The following LYZL4 variants were observed in gnomAD, a reference collection of about 807,000 sequenced individuals.
LYZL4 encodes lysozyme-like protein 4.
A neutral mutation model predicts 17.6 loss-of-function variants in LYZL4; 13 were observed. The observed-to-expected ratio is 0.74, with a 90% confidence interval of 0.48 to 1.18. The LOEUF (loss-of-function observed/expected upper bound fraction) is 1.18, where lower values mean the gene tolerates loss of function less well. Among genes scored for constraint, LYZL4 ranks in the 50% most tolerant of loss-of-function variants. The pLI is 0.00. For synonymous variants in LYZL4, 64 were observed against 67.7 expected (o/e 0.95, Z 0.27); for missense variants, 174 against 188.2 (o/e 0.92, Z 0.44).
chr3:42,369,969 C>T, the LYZL4 span, among the ~76,000 whole-genome samples: 4 of 152,104 alleles, frequency 2.6e-5, no homozygotes, highest in African/African-American at 9.7e-5. Context: ...ACTGCTTGAG[C>T]TCAGGAATTC....
intron 1 of LYZL4, among the ~76,000 whole-genome samples, chr3:42,409,107 G>A (rs895395162): frequency 6.6e-6 from 1 of 152,222 alleles, no homozygotes; most frequent in African/African-American, 2.4e-5. Flanking sequence ...TTGGGAATCA[G>A]ATTGCCTGGG....
intron 4 of LYZL4, among the ~76,000 whole-genome samples, chr3:42,401,699 T>C (rs1698656118): frequency 6.6e-6 from 1 of 151,520 alleles, no homozygotes; most frequent in African/African-American, 2.4e-5. Flanking sequence ...TAACACAGAA[T>C]TGCAAAAAAA....
the LYZL4 span, among the ~76,000 whole-genome samples, chr3:42,366,885 G>A: frequency 2.0e-5 from 3 of 152,202 alleles, no homozygotes; most frequent in Admixed American, 2.0e-4. Context: ...CCACACTGGT[G>A]TCTGTGTCTG....
the LYZL4 span, among the ~76,000 whole-genome samples, chr3:42,377,363 C>G: frequency 6.6e-6 from 1 of 152,064 alleles, no homozygotes; most frequent in Non-Finnish European, 1.5e-5. Context: ...AGAGAGAAAC[C>G]AATTCCAGCT....
chr3:42,389,301 A>G, the LYZL4 span, among the ~76,000 whole-genome samples: 18 of 152,152 alleles, frequency 1.2e-4, no homozygotes, highest in Admixed American at 3.3e-4. Context: ...CAGAATTCTT[A>G]TAGTAGGCCA....
chr3:42,361,375 T>A, the LYZL4 span, among the ~76,000 whole-genome samples: 1 of 152,098 alleles, frequency 6.6e-6, no homozygotes, highest in African/African-American at 2.4e-5. Flanking sequence ...TGGCTCCCAG[T>A]GTTTACTTCT....
chr3:42,385,933 G>A, the LYZL4 span, among the ~76,000 whole-genome samples: 4 of 152,138 alleles, frequency 2.6e-5, no homozygotes, highest in Admixed American at 1.3e-4. Flanking sequence ...GTTAACTGAG[G>A]GTTCTGGAGG....
rs1198948225 is a variant in LYZL4, at chr3:42,402,160, G to A, written c.371+1886C>T. Among the ~76,000 whole-genome samples, 3 of 138,048 alleles carry A rather than the reference G, an allele frequency of 2.2e-5. No individual in the cohort carries two copies. The East Asian group carries it at 6.0e-4, about 28-fold the overall frequency. The allele number at this position is 138,048 out of a possible 152,430, so 90.6% of individuals were successfully genotyped here. A position where few individuals can be genotyped will look rare whatever the true frequency, so the allele number is the denominator to read the frequency against. ...TTAAAAAAAAAAAAAAAAAAAAAGA[G>A]CCAGGCATGGTGACATGTGCCTGTT... On this transcript the variant is annotated intron_variant, in intron 4 of 4. Transcript: ENST00000287748.
Position 42,397,321 on chromosome 3 carries a change from G to C in LYZL4, c.385C>G (p.Arg129Gly). ...EGMGAWPTWS[R>G]YCQYSDTLAR... is the part of the protein sequence containing the mutation. The stretch of plus-strand genomic sequence containing the variant: ...AGGGTATCGGAGTACTGGCAGTACC[G>C]GGACCAGGTGGGCCTGTGGAGAGAA... The change falls in exon 5 of 5, where the codon CGG (arginine) becomes GGG (glycine). Residue 129 changes from arginine to glycine, a missense_variant. Transcript: ENST00000287748. The C allele has an allele frequency of 8.3e-6, 13 of 1,572,258 alleles. No individual in the cohort carries two copies. The highest frequency in any genetic ancestry group is 1.1e-5 in the Non-Finnish European group (13 of 1,158,288).
the LYZL4 span, among the ~76,000 whole-genome samples, chr3:42,370,674 C>T: frequency 6.6e-6 from 1 of 152,230 alleles, no homozygotes; most frequent in Non-Finnish European, 1.5e-5. Flanking sequence ...CTATTTCCTT[C>T]TACATGTCCC....
the LYZL4 span, among the ~76,000 whole-genome samples, chr3:42,367,171 AC>A: frequency 2.8e-4 from 42 of 151,820 alleles, no homozygotes; most frequent in Admixed American, 5.2e-4. Flanking sequence ...CCAATAAAGC[AC>A]CCCACACACA....
chr3:42,395,769 AC>A (rs1698541815), downstream of LYZL4, among the ~76,000 whole-genome samples: 1 of 152,204 alleles, frequency 6.6e-6, no homozygotes, highest in Non-Finnish European at 1.5e-5. Context: ...AAATGGCAAT[AC>A]CTAAAGATCT....
the LYZL4 span, among the ~76,000 whole-genome samples, chr3:42,362,227 C>T: frequency 1.3e-5 from 2 of 152,160 alleles, no homozygotes; most frequent in Non-Finnish European, 2.9e-5. Context: ...ACAAAAAAGA[C>T]ATCCATCCTG....
chr3:42,392,688 G>A (rs1441447332), downstream of LYZL4, among the ~76,000 whole-genome samples: 1 of 152,300 alleles, frequency 6.6e-6, no homozygotes, highest in African/African-American at 2.4e-5. Context: ...AGCCAGGGCA[G>A]GAGAGAAGTG....
chr3:42,407,694 A>G (rs1270072083), intron 1 of LYZL4, among the ~76,000 whole-genome samples: 1 of 151,882 alleles, frequency 6.6e-6, no homozygotes, highest in East Asian at 1.9e-4. Flanking sequence ...GAAAACAGAA[A>G]AGAGAAATTA....
chr3:42,385,875 G>T, the LYZL4 span, among the ~76,000 whole-genome samples: 1 of 152,128 alleles, frequency 6.6e-6, no homozygotes, highest in Admixed American at 6.5e-5. Context: ...TTCTATTGCT[G>T]CTGTACCCAA....
At chr3:42,362,974 G>A in the LYZL4 span, among the ~76,000 whole-genome samples, 1 of 152,086 alleles carries the variant, frequency 6.6e-6, no homozygotes, top group Admixed American at 6.6e-5. Context: ...TACCCAGAAT[G>A]CCAAAATTGT....
At chr3:42,385,755 G>T in the LYZL4 span, among the ~76,000 whole-genome samples, 40 of 152,188 alleles carry the variant, frequency 2.6e-4, no homozygotes, top group African/African-American at 8.9e-4. Context: ...TCTGTAAAAC[G>T]GTAATACTAA....
At chr3:42,367,761 T>C in the LYZL4 span, among the ~76,000 whole-genome samples, 13 of 152,242 alleles carry the variant, frequency 8.5e-5, no homozygotes, top group Admixed American at 7.2e-4. Flanking sequence ...CTCTGCTGGG[T>C]ACAGTGCTCG....
Sources: gnomAD v4.1 joint callset for allele counts (sites outside exome capture counted in the v4.1 genomes callset) on GRCh38, gnomAD v4.1.1 for gene constraint, MANE v1.5 for transcripts, NCBI Gene and HGNC (gene_info 2026-07-23, HGNC 2026-07-21) for gene names.